The following SEMA3A variants were observed in gnomAD, a reference collection of about 807,000 sequenced individuals.
SEMA3A encodes the protein semaphorin-3A.
SEMA3A carries 29 observed loss-of-function variants against 97.9 expected under a neutral mutation model. The ratio of observed to expected loss-of-function variants is 0.30; its 90% CI spans 0.22 to 0.40. The LOEUF is 0.40. Ranked by LOEUF, SEMA3A falls within the 10% of genes least tolerant of loss-of-function variation. SEMA3A has a pLI of 1.00. For missense variants in SEMA3A, 763 were observed against 951.3 expected (o/e 0.80, Z 2.60); for synonymous variants, 321 against 323.7 (o/e 0.99, Z 0.09).
chr7:84,346,034 T>A (rs1403302335), intron 2 of SEMA3A, among the ~76,000 whole-genome samples: 1 of 152,248 alleles, frequency 6.6e-6, no homozygotes, highest in East Asian at 1.9e-4. Context: ...TAGCTAGACA[T>A]GGATAACTTG....
chr7:84,473,682 C>A (rs1203159966), intron 1 of SEMA3A, among the ~76,000 whole-genome samples: 1 of 152,036 alleles, frequency 6.6e-6, no homozygotes, highest in African/African-American at 2.4e-5. Context: ...AGCCACTGCT[C>A]CTGGCCTAAA....
intron 6 of SEMA3A, among the ~76,000 whole-genome samples, chr7:84,018,439 A>G (rs1791189593): frequency 6.6e-6 from 1 of 152,144 alleles, no homozygotes; most frequent in African/African-American, 2.4e-5. Context: ...TTAAGGTAAA[A>G]TTTTTTTGTC....
At chr7:83,971,813 C>G (rs1788926517) in intron 15 of SEMA3A, among the ~76,000 whole-genome samples, 1 of 152,116 alleles carries the variant, frequency 6.6e-6, no homozygotes, top group Admixed American at 6.5e-5. Flanking sequence ...TTTCACCTGG[C>G]TAAAATTTTA....
chr7:84,302,975 A>C (rs1233180635), intron 3 of SEMA3A, among the ~76,000 whole-genome samples: 1 of 152,232 alleles, frequency 6.6e-6, no homozygotes, highest in African/African-American at 2.4e-5. Flanking sequence ...GAAAAAGAAA[A>C]GAACAGTTTG....
chr7:84,325,943 G>A (rs1323731795), intron 2 of SEMA3A, among the ~76,000 whole-genome samples: 3 of 151,874 alleles, frequency 2.0e-5, no homozygotes, highest in Admixed American at 6.6e-5. Context: ...CCACTGTTCT[G>A]CTCTCAGCTT....
chr7:84,103,377 C>G (rs1795013224), intron 4 of SEMA3A, among the ~76,000 whole-genome samples: 1 of 151,840 alleles, frequency 6.6e-6, no homozygotes, highest in African/African-American at 2.4e-5. Context: ...AAGCTTCAAG[C>G]AAATGAGGGT....
chr7:84,148,508 G>A (rs920349839), intron 1 of SEMA3A, among the ~76,000 whole-genome samples: 4 of 152,090 alleles, frequency 2.6e-5, no homozygotes, highest in African/African-American at 7.2e-5. Flanking sequence ...ATTTATGATA[G>A]CACACTATAA....
At chr7:84,106,154 T>TA (rs1795103251) in intron 4 of SEMA3A, among the ~76,000 whole-genome samples, 1 of 152,168 alleles carries the variant, frequency 6.6e-6, no homozygotes, top group Admixed American at 6.5e-5. Flanking sequence ...GGAGTGTAAA[T>TA]ACAGTCAGGT....
intron 3 of SEMA3A, among the ~76,000 whole-genome samples, chr7:84,268,741 T>C (rs916383151): frequency 4.6e-5 from 7 of 152,156 alleles, no homozygotes; most frequent in Non-Finnish European, 7.3e-5. Context: ...TTAACCTAAA[T>C]GTGTTCTGAT....
intron 3 of SEMA3A, among the ~76,000 whole-genome samples, chr7:84,290,456 T>A (rs751693189): frequency 6.8e-6 from 1 of 146,792 alleles, no homozygotes; most frequent in Non-Finnish European, 1.5e-5. Context: ...TTTTCCTATT[T>A]ATCTTAACTG....
In SEMA3A at chr7:84,055,428, C is replaced by T. The variant is rs377290865; in HGVS notation, c.547+5037G>A. On this transcript the variant is annotated intron_variant, in intron 5 of 16. Transcript: ENST00000265362. ...CTGGTGCGCCGTTTTTTAAGCCCGT[C>T]GGAAAAGGGCAGTATTCGGGTGGGA... 1.4e-3 allele frequency among the ~76,000 whole-genome samples: 207 copies of T among 152,294 alleles called. 2 individuals are homozygous for T. Among genetic ancestry groups the T allele is most frequent in the African/African-American group, 4.7e-3 (195 of 41,564 alleles).
chr7:84,296,298 T>C (rs1179016811), intron 3 of SEMA3A, among the ~76,000 whole-genome samples: 1 of 152,168 alleles, frequency 6.6e-6, no homozygotes, highest in African/African-American at 2.4e-5. Context: ...AATCATATGA[T>C]GTAATTATAT....
chr7:84,258,956 T>C (rs1038901177), intron 3 of SEMA3A, among the ~76,000 whole-genome samples: 5 of 152,100 alleles, frequency 3.3e-5, no homozygotes, highest in African/African-American at 1.2e-4. Flanking sequence ...TCTGCTATAT[T>C]TCCCTTGTTT....
chr7:84,004,159 G>A (rs765533283), intron 11 of SEMA3A, among the ~76,000 whole-genome samples: 8 of 151,952 alleles, frequency 5.3e-5, no homozygotes, highest in Admixed American at 6.6e-5. Context: ...AGTTAACAGC[G>A]TTAATGGAGA....
At chr7:84,204,493 G>A (rs1372132387) in intron 3 of SEMA3A, among the ~76,000 whole-genome samples, 1 of 152,004 alleles carries the variant, frequency 6.6e-6, no homozygotes, top group African/African-American at 2.4e-5. Flanking sequence ...TTGAACATGG[G>A]GCATGAGAAT....
rs7789342 is a variant in SEMA3A, at chr7:84,129,375, C to T, written c.271-190G>A. Among the ~76,000 whole-genome samples, 74,080 of 152,014 alleles carry T rather than the reference C, an allele frequency of 0.49. 19,195 individuals carry two copies. The highest frequency in any genetic ancestry group is 0.68 in the East Asian group (3,525 of 5,156). ...GGTGTGAACATAAGTCATTGATTCT[C>T]CATCTACCCAATAGCCTTTGCTATA... is the stretch of plus-strand genomic sequence containing the variant. On this transcript the variant is annotated intron_variant, in intron 2 of 16. Transcript: ENST00000265362.
At chr7:84,189,382 C>G (rs768838720) in intron 1 of SEMA3A, among the ~76,000 whole-genome samples, 1 of 151,672 alleles carries the variant, frequency 6.6e-6, no homozygotes, top group African/African-American at 2.4e-5. Flanking sequence ...ATTTATATCA[C>G]TATTAGTCAT....
chr7:84,457,421 T>G (rs2116379546), intron 1 of SEMA3A, among the ~76,000 whole-genome samples: 1 of 152,046 alleles, frequency 6.6e-6, no homozygotes, highest in South Asian at 2.1e-4. Flanking sequence ...AAAGATTTGA[T>G]ATTTAGAAGA....
intron 12 of SEMA3A, among the ~76,000 whole-genome samples, chr7:83,988,690 G>A (rs989347809): frequency 6.6e-6 from 1 of 151,830 alleles, no homozygotes; most frequent in Non-Finnish European, 1.5e-5. Context: ...TACCTTAAAT[G>A]AATTATATTA....
Sources: gnomAD v4.1 joint callset for allele counts (sites outside exome capture counted in the v4.1 genomes callset) on GRCh38, gnomAD v4.1.1 for gene constraint, MANE v1.5 for transcripts, NCBI Gene and HGNC (gene_info 2026-07-23, HGNC 2026-07-21) for gene names.